PPP2R3A: variants seen among roughly 807,000 people sequenced by gnomAD.
The protein encoded by PPP2R3A is serine/threonine-protein phosphatase 2A regulatory subunit B'' subunit alpha.
PPP2R3A carries 80 observed loss-of-function variants against 106.9 expected under a neutral mutation model. The ratio of observed to expected loss-of-function variants is 0.75; its 90% CI spans 0.62 to 0.90. The LOEUF (loss-of-function observed/expected upper bound fraction) is 0.90, where lower values mean the gene tolerates loss of function less well. Ranked by LOEUF, PPP2R3A falls within the 40% of genes least tolerant of loss-of-function variation. The probability of loss-of-function intolerance (pLI) is 0.00; values close to 1 mark genes in which losing one functional copy is unlikely to be tolerated. For synonymous variants in PPP2R3A, 483 were observed against 468.3 expected, an observed-to-expected ratio of 1.03 and a Z score of -0.41; for missense variants, 1,386 against 1,350.4, an observed-to-expected ratio of 1.03 and a Z score of -0.41.
chr3:135,994,997 A>G (rs1559857127), intron 1 of PPP2R3A, among the ~76,000 whole-genome samples: 2 of 152,214 alleles, frequency 1.3e-5, no homozygotes, highest in Non-Finnish European at 2.9e-5. Flanking sequence ...GGCACTGGAA[A>G]GTATGTGTTA....
At chr3:136,072,266 T>C (rs537861233) in intron 6 of PPP2R3A, among the ~76,000 whole-genome samples, 1 of 152,138 alleles carries the variant, frequency 6.6e-6, no homozygotes, top group African/African-American at 2.4e-5. Context: ...ACAGTCAATA[T>C]GTACTGAGTG....
chr3:135,981,066 C>A (rs1175853471), intron 1 of PPP2R3A, among the ~76,000 whole-genome samples: 3 of 151,938 alleles, frequency 2.0e-5, no homozygotes, highest in Non-Finnish European at 4.4e-5. Flanking sequence ...GATGCCTATG[C>A]AGGAATGTGT....
At chr3:136,082,194 C>T (rs547859721) in intron 7 of PPP2R3A, 71 bp from the exon 8 acceptor site, 14 of 1,308,594 alleles carry the variant, frequency 1.1e-5, no homozygotes, top group South Asian at 4.2e-5. Context: ...AACAGAAATT[C>T]GCTAGACTCT....
At chr3:136,016,509 T>A (rs1369196037) in intron 2 of PPP2R3A, among the ~76,000 whole-genome samples, 1 of 152,196 alleles carries the variant, frequency 6.6e-6, no homozygotes, top group East Asian at 1.9e-4. Flanking sequence ...CAGTGTCAGG[T>A]GCATATATAT....
chr3:136,027,841 A>G (rs922422530), intron 3 of PPP2R3A, among the ~76,000 whole-genome samples: 3 of 152,204 alleles, frequency 2.0e-5, no homozygotes, highest in African/African-American at 7.2e-5. Flanking sequence ...TTCAAGAGGC[A>G]GAGGGGTTTA....
intron 13 of PPP2R3A, among the ~76,000 whole-genome samples, chr3:136,117,105 A>G (rs773516155): frequency 1.3e-5 from 2 of 152,204 alleles, no homozygotes; most frequent in East Asian, 1.9e-4. Flanking sequence ...TCACAACTAC[A>G]TGGAAACTAA....
intron 8 of PPP2R3A, among the ~76,000 whole-genome samples, chr3:136,083,859 T>C (rs991836975): frequency 6.6e-5 from 10 of 152,238 alleles, no homozygotes; most frequent in Non-Finnish European, 1.3e-4. Flanking sequence ...ACTTGGCATT[T>C]TGCCCCTGCC....
intron 4 of PPP2R3A, among the ~76,000 whole-genome samples, chr3:136,042,937 G>A (rs973156837): frequency 7.9e-5 from 12 of 151,622 alleles, no homozygotes; most frequent in African/African-American, 1.9e-4. Context: ...GAGTTACCAC[G>A]TTGACCTTGG....
At chr3:136,141,557 C>T (rs1376122290) in intron 13 of PPP2R3A, among the ~76,000 whole-genome samples, 1 of 152,120 alleles carries the variant, frequency 6.6e-6, no homozygotes, top group Non-Finnish European at 1.5e-5. Context: ...ATAAGGAAGC[C>T]ATTACATACA....
At chr3:136,108,778 T>G (rs1448628877) in intron 13 of PPP2R3A, among the ~76,000 whole-genome samples, 1 of 152,058 alleles carries the variant, frequency 6.6e-6, no homozygotes, top group Non-Finnish European at 1.5e-5. Flanking sequence ...CATGCCTCAG[T>G]AAAATTGAAT....
At chr3:135,976,055 T>C (rs557804572) in intron 1 of PPP2R3A, among the ~76,000 whole-genome samples, 3 of 152,342 alleles carry the variant, frequency 2.0e-5, no homozygotes, top group East Asian at 3.9e-4. Context: ...TATTTATTTT[T>C]CTGTCTGTTG....
At chr3:136,133,081 A>G (rs543468247) in intron 13 of PPP2R3A, among the ~76,000 whole-genome samples, 4 of 152,310 alleles carry the variant, frequency 2.6e-5, no homozygotes, top group Non-Finnish European at 4.4e-5. Flanking sequence ...GGCTAAAACT[A>G]CAAAGCTTCT....
intron 2 of PPP2R3A, among the ~76,000 whole-genome samples, chr3:136,013,224 A>G (rs1934151705): frequency 1.3e-5 from 2 of 150,030 alleles, no homozygotes; most frequent in Admixed American, 1.3e-4. Context: ...GTATGTATGT[A>G]TGTATCACAT....
intron 4 of PPP2R3A, among the ~76,000 whole-genome samples, chr3:136,048,199 A>C (rs1470537339): frequency 1.3e-5 from 2 of 152,234 alleles, no homozygotes; most frequent in Non-Finnish European, 2.9e-5. Context: ...GAGGCCAGCA[A>C]GAGTTCCTGG....
intron 8 of PPP2R3A, among the ~76,000 whole-genome samples, chr3:136,086,326 A>G (rs1270134624): frequency 1.3e-5 from 2 of 152,272 alleles, no homozygotes; most frequent in African/African-American, 4.8e-5. Context: ...TACTAAAAAT[A>G]CAAAAATTAG....
At chr3:136,040,555 G>A (rs564665520) in intron 3 of PPP2R3A, among the ~76,000 whole-genome samples, 2 of 152,234 alleles carry the variant, frequency 1.3e-5, no homozygotes, top group South Asian at 4.2e-4. Flanking sequence ...AGAAGAAAGT[G>A]GTGGGAAGGG....
At chr3:136,075,893 T>A (rs1936580498) in intron 6 of PPP2R3A, among the ~76,000 whole-genome samples, 1 of 152,246 alleles carries the variant, frequency 6.6e-6, no homozygotes, top group Non-Finnish European at 1.5e-5. Flanking sequence ...TCTTAATGTT[T>A]ATTTTCGTAC....
intron 1 of PPP2R3A, among the ~76,000 whole-genome samples, chr3:135,983,377 G>A (rs188301151): frequency 2.6e-5 from 4 of 152,242 alleles, no homozygotes; most frequent in Admixed American, 6.5e-5. Context: ...ACTCATCTGC[G>A]TCTGCTTCCC....
chr3:136,022,908 T>G, intron 2 of PPP2R3A: 2 of 1,432,300 alleles, frequency 1.4e-6, no homozygotes, highest in Non-Finnish European at 1.8e-6. Context: ...AAGCATAGAT[T>G]GTGGTCTGTG....
Sources: gnomAD v4.1 joint callset for allele counts (sites outside exome capture counted in the v4.1 genomes callset) on GRCh38, gnomAD v4.1.1 for gene constraint, MANE v1.5 for transcripts, NCBI Gene and HGNC (gene_info 2026-07-23, HGNC 2026-07-21) for gene names.